The following IPO11 variants were observed in gnomAD, a reference collection of about 807,000 sequenced individuals.
IPO11 encodes importin 11.
Under a neutral mutation model 143.2 loss-of-function variants are expected in IPO11, and 66 were observed. The ratio of observed to expected loss-of-function variants is 0.46; its 90% confidence interval spans 0.38 to 0.57. The LOEUF is 0.57. Among genes scored for constraint, IPO11 ranks in the 20% least tolerant of loss-of-function variants. IPO11 has a pLI of 0.00. For synonymous variants in IPO11, 385 were observed against 377.8 expected, an observed-to-expected ratio of 1.02 and a Z score of -0.22; for missense variants, 1,026 against 1,141.0, an observed-to-expected ratio of 0.90 and a Z score of 1.45.
At chr5:62,554,619 T>C (rs1030722234) in intron 26 of IPO11, among the ~76,000 whole-genome samples, 4 of 152,088 alleles carry the variant, frequency 2.6e-5, no homozygotes, top group African/African-American at 9.7e-5. Flanking sequence ...TTCTCTGTTC[T>C]ATTGGTCTGT....
chr5:62,469,740 C>A (rs986791431), intron 6 of IPO11, among the ~76,000 whole-genome samples: 1 of 152,152 alleles, frequency 6.6e-6, no homozygotes. Flanking sequence ...TCCTGCTTAT[C>A]TCTCTGTGTA....
chr5:62,490,042 A>C, intron 14 of IPO11, 73 bp from the exon 15 acceptor site: 1 of 741,484 alleles, frequency 1.3e-6, no homozygotes, highest in South Asian at 2.6e-5. Flanking sequence ...TTTAATTAAC[A>C]TATGTTTCAT....
chr5:62,604,147 A>C (rs997850696), intron 29 of IPO11, among the ~76,000 whole-genome samples: 11 of 152,342 alleles, frequency 7.2e-5, no homozygotes, highest in Admixed American at 5.2e-4. Flanking sequence ...ATCTTTAAGC[A>C]ATGCATGACT....
At chr5:62,415,956 G>A (rs188415418) in intron 1 of IPO11, among the ~76,000 whole-genome samples, 240 of 152,126 alleles carry the variant, frequency 1.6e-3, no homozygotes, top group Admixed American at 2.9e-3. Context: ...GTTTGCTAGG[G>A]CCGCCACAAC....
At chr5:62,485,968 T>A (rs1746385873) in intron 12 of IPO11, among the ~76,000 whole-genome samples, 1 of 151,038 alleles carries the variant, frequency 6.6e-6, no homozygotes, top group Non-Finnish European at 1.5e-5. Flanking sequence ...CTGAGTTTTT[T>A]TTCTTTTTTC....
At chr5:62,483,978 A>C (rs768992114) in intron 10 of IPO11, 32 bp from the exon 11 acceptor site, 5 of 1,571,098 alleles carry the variant, frequency 3.2e-6, no homozygotes, top group Non-Finnish European at 4.3e-6. Flanking sequence ...ATGTTTGGCT[A>C]TACAATTAAC....
intron 29 of IPO11, among the ~76,000 whole-genome samples, chr5:62,619,641 C>A (rs1410689063): frequency 1.3e-5 from 2 of 152,024 alleles, no homozygotes; most frequent in Non-Finnish European, 2.9e-5. Context: ...ATCACGAGGT[C>A]AGGAGCTCAA....
At chr5:62,540,553 T>C (rs763613387) in intron 24 of IPO11, among the ~76,000 whole-genome samples, 20 of 152,236 alleles carry the variant, frequency 1.3e-4, no homozygotes, top group Non-Finnish European at 2.2e-4. Context: ...TTTTTAATTA[T>C]ACTCTTACCA....
At chr5:62,549,458 A>G (rs1251790783) in intron 24 of IPO11, among the ~76,000 whole-genome samples, 1 of 152,190 alleles carries the variant, frequency 6.6e-6, no homozygotes, top group African/African-American at 2.4e-5. Flanking sequence ...CCCTCCATGC[A>G]TGGGATGACT....
rs1174489165 is a variant in IPO11 at position 62,627,486 on chromosome 5, CT to C, written c.*169del. 3.6e-6 allele frequency: 2 copies of C among 561,842 alleles called. No homozygotes were observed. Among genetic ancestry groups the C allele is most frequent in the Non-Finnish European group, 5.8e-6 (2 of 343,126 alleles). 34.8% of individuals were successfully genotyped at this position (561,842 alleles called of 1,614,324 possible). The stretch of plus-strand genomic sequence containing the variant: ...AAGGATAAATGTAAATCCTGCATAA[CT>C]AAAATCACAAACCTATTCCTCAAAA... On this transcript the variant is annotated 3_prime_UTR_variant, in exon 30 of 30. Transcript: ENST00000325324.
chr5:62,618,220 T>G (rs1366919220), intron 29 of IPO11, among the ~76,000 whole-genome samples: 2 of 152,220 alleles, frequency 1.3e-5, no homozygotes, highest in Non-Finnish European at 1.5e-5. Flanking sequence ...TTTCATAAAG[T>G]TTTTTAAACA....
At chr5:62,481,639 A>G (rs935272453) in intron 9 of IPO11, among the ~76,000 whole-genome samples, 2 of 151,958 alleles carry the variant, frequency 1.3e-5, no homozygotes, top group Non-Finnish European at 2.9e-5. Context: ...AAGCTTTTTG[A>G]TGTGCTTCTG....
In IPO11 at chr5:62,502,821, TTTTTTCC is replaced by T. The variant is rs377435763; in HGVS notation, c.1591-1831_1591-1825del. Among the ~76,000 whole-genome samples, 150 of 152,118 alleles carry T rather than the reference TTTTTTCC, an allele frequency of 9.9e-4. 1 individual carries two copies. Among genetic ancestry groups the T allele is most frequent in the Middle Eastern group, 3.4e-3 (1 of 294 alleles). On this transcript the variant is annotated intron_variant, in intron 16 of 29. Transcript: ENST00000325324. ...TCTTTTCCTTTCCTTTCCTTTTTCCTTTTTTCCTTTTTCCTTTTTCCGAGTTGGAGTC... is the reference window on the plus strand; with the variant it reads ...TCTTTTCCTTTCCTTTCCTTTTTCCTTTTTTCCTTTTTCCGAGTTGGAGTC...
At chr5:62,556,368 T>G (rs564776979) in intron 26 of IPO11, among the ~76,000 whole-genome samples, 21 of 152,310 alleles carry the variant, frequency 1.4e-4, no homozygotes, top group South Asian at 6.2e-4. Context: ...GGCTTAGCTT[T>G]GCGTATCATA....
At chr5:62,518,299 CCAGG>C (rs1285028496) in intron 20 of IPO11, among the ~76,000 whole-genome samples, 4 of 152,000 alleles carry the variant, frequency 2.6e-5, no homozygotes, top group African/African-American at 9.7e-5. Context: ...CAAAACTTAG[CCAGG>C]TGAGGTGGCA....
At chr5:62,607,383 A>C (rs1195072449) in intron 29 of IPO11, among the ~76,000 whole-genome samples, 1 of 152,020 alleles carries the variant, frequency 6.6e-6, no homozygotes, top group Non-Finnish European at 1.5e-5. Flanking sequence ...GGAGTTTTTA[A>C]ACTCTCTCTG....
intron 29 of IPO11, among the ~76,000 whole-genome samples, chr5:62,618,358 A>G (rs1489726885): frequency 6.6e-6 from 1 of 152,192 alleles, no homozygotes; most frequent in East Asian, 1.9e-4. Context: ...ACAAGAATAA[A>G]TGAAAATAAA....
At chr5:62,454,994 A>G (rs1425025173) in intron 5 of IPO11, among the ~76,000 whole-genome samples, 1 of 152,210 alleles carries the variant, frequency 6.6e-6, no homozygotes, top group East Asian at 1.9e-4. Context: ...GGAGCAGCTG[A>G]ACCTGGAGAT....
intron 27 of IPO11, chr5:62,578,784 C>G: frequency 2.7e-6 from 1 of 375,186 alleles, no homozygotes; most frequent in Non-Finnish European, 5.3e-6. Context: ...CCTGAGCAAA[C>G]GGTGACTTAA....
Sources: allele counts gnomAD v4.1 joint callset (sites outside exome capture counted in the v4.1 genomes callset), GRCh38; gene constraint gnomAD v4.1.1; transcripts MANE v1.5; gene names NCBI Gene and HGNC (gene_info 2026-07-23, HGNC 2026-07-21).